The following SPTBN4 variants were observed in gnomAD, a reference collection of about 807,000 sequenced individuals.
SPTBN4 encodes spectrin beta, non-erythrocytic 4.
A neutral mutation model predicts 277.8 loss-of-function variants in SPTBN4; 96 were observed. That is an observed-to-expected ratio of 0.35 (90% CI 0.29 to 0.41). The LOEUF (loss-of-function observed/expected upper bound fraction) is 0.41, where lower values mean the gene tolerates loss of function less well. Ranked by LOEUF, SPTBN4 falls within the 10% of genes least tolerant of loss-of-function variation. The pLI is 1.00. For missense variants in SPTBN4, 3,006 were observed against 3,595.7 expected, an observed-to-expected ratio of 0.84 and a Z score of 4.19; for synonymous variants, 1,481 against 1,580.3, an observed-to-expected ratio of 0.94 and a Z score of 1.49.
chr19:40,467,400 C>G (rs1229636536), intron 1 of SPTBN4, 95 bp downstream of exon 1: 1 of 152,390 alleles, frequency 6.6e-6, no homozygotes, highest in Non-Finnish European at 1.5e-5. Flanking sequence ...GCTGGAGCCC[C>G]GGGTCTCCCC....
intron 20 of SPTBN4, among the ~76,000 whole-genome samples, chr19:40,537,716 AC>A (rs2080754521): frequency 6.6e-6 from 1 of 152,060 alleles, no homozygotes; most frequent in African/African-American, 2.4e-5. Context: ...ATTCAATACC[AC>A]CTTTAGTCCC....
chr19:40,543,025 T>C (rs886578942), intron 20 of SPTBN4, among the ~76,000 whole-genome samples: 1 of 152,128 alleles, frequency 6.6e-6, no homozygotes, highest in South Asian at 2.1e-4. Flanking sequence ...CTTTCTTCTG[T>C]GTTGGCCTCA....
In SPTBN4 at chr19:40,540,835, A is replaced by G. The variant is rs1454011525; in HGVS notation, c.4359+6492A>G. Reference sequence around the variant, plus strand: ...ATCTCAAAAAAAAAAAAAAAAAAAAAAAAAAGAAAAGTAATTTGGAGGTGG... The same window carrying G: ...ATCTCAAAAAAAAAAAAAAAAAAAAGAAAAAGAAAAGTAATTTGGAGGTGG... On this transcript the variant is annotated intron_variant, in intron 20 of 35. Transcript: ENST00000598249. Among the ~76,000 whole-genome samples, 8 of 148,976 alleles carry G rather than the reference A, an allele frequency of 5.4e-5. No homozygotes were observed. In the East Asian group the frequency reaches 7.8e-4, roughly 15 times the overall value.
rs140573583 is a variant in SPTBN4, at chr19:40,569,722, C to T, written c.7022C>T (p.Ala2341Val). ...QEKEAGPGLP[A>V]GPSLPQPREL... The stretch of plus-strand genomic sequence containing the variant: ...AAAGAGGCAGGCCCAGGGCTGCCTG[C>T]TGGGGTAAGTTGAGCCTCGGATGGG... Residue 2341 changes from alanine to valine, a missense_variant, in exon 32 of 36, where the codon GCT (alanine) becomes GTT (valine). Physicochemically the swap from Ala to Val is moderately conservative, Grantham distance 64. This residue lies in a region of SPTBN4 where 630 missense variants were observed against 677.6 expected (regional missense o/e 0.93). Coordinates refer to ENST00000598249, the MANE Select transcript of SPTBN4 (RefSeq NM_020971.3). 94 of 1,611,024 alleles carry T rather than the reference C, an allele frequency of 5.8e-5. No homozygotes were observed. The African/African-American group carries it at 1.0e-3, about 18-fold the overall frequency.
At chr19:40,572,296 C>T (rs1463459329) in intron 34 of SPTBN4, 42 bp from the exon 35 acceptor site, 1 of 1,612,246 alleles carries the variant, frequency 6.2e-7, no homozygotes, top group Non-Finnish European at 8.5e-7. Flanking sequence ...GTGGGCTGGG[C>T]CCCTTCCCCA....
rs1223420896 is a variant in SPTBN4 at position 40,576,002 on chromosome 19, TA to T, written c.*434del. On this transcript the variant is annotated 3_prime_UTR_variant, in exon 36 of 36. Transcript: ENST00000598249. Reference sequence around the variant, plus strand: ...AGGTCCCCTGGACCATCCAGGGTGCTAGGGGGCAGGGAGGGGACACCCCCTC... The same window carrying T: ...AGGTCCCCTGGACCATCCAGGGTGCTGGGGGCAGGGAGGGGACACCCCCTC... 2 of 154,498 alleles carry T rather than the reference TA, an allele frequency of 1.3e-5. No individual in the cohort carries two copies. The highest frequency in any genetic ancestry group is 2.9e-5 in the Non-Finnish European group (2 of 69,374). 9.6% of individuals were successfully genotyped at this position (154,498 alleles called of 1,614,324 possible).
At chr19:40,481,321 G>A (rs1261647632) in intron 2 of SPTBN4, among the ~76,000 whole-genome samples, 1 of 152,116 alleles carries the variant, frequency 6.6e-6, no homozygotes, top group East Asian at 1.9e-4. Flanking sequence ...TGCCCAAAGT[G>A]TTTGGATTAC....
In SPTBN4 at chr19:40,491,044, GA is replaced by G. The variant is rs111830423; in HGVS notation, c.495+805del. The stretch of plus-strand genomic sequence containing the variant: ...ACAACAGTGAGACCATGACTTAAAA[GA>G]AAAAAAAAGCTACCCAGAAAAATAC... On this transcript the variant is annotated intron_variant, in intron 4 of 35. Transcript: ENST00000598249. Among the ~76,000 whole-genome samples the G allele has an allele frequency of 4.4e-3, 664 of 149,874 alleles. 8 individuals are homozygous for G. Among genetic ancestry groups the G allele is most frequent in the African/African-American group, 0.015 (632 of 40,836 alleles).
chr19:40,554,558 C>A lies in SPTBN4; in HGVS notation c.4996C>A (p.Leu1666Met). The A allele has an allele frequency of 6.6e-7, 1 of 1,507,746 alleles. No individual in the cohort carries two copies. Among genetic ancestry groups the A allele is most frequent in the South Asian group, 1.3e-5 (1 of 75,250 alleles). 93.4% of individuals were successfully genotyped at this position (1,507,746 alleles called of 1,614,324 possible). Residue 1666 changes from leucine (L) to methionine (M), a missense_variant, in exon 24 of 36, where the codon CTG becomes ATG. Physicochemically the swap from Leu to Met is conservative, Grantham distance 15. Coordinates refer to ENST00000598249, the MANE Select transcript of SPTBN4 (RefSeq NM_020971.3). The surrounding 1 kb of genome is among the most constrained non-coding windows in gnomAD (Gnocchi z 5.7). Reference protein sequence around the residue: ...TLQLLKKHLQLEQGVENYEES... With the variant: ...TLQLLKKHLQMEQGVENYEES... ...GCAGCTGCTCAAGAAACACCTGCAG[C>A]TGGAGCAAGGCGTGGAGAACTACGA...
chr19:40,475,320 C>A (rs1037557703), intron 2 of SPTBN4, among the ~76,000 whole-genome samples: 4 of 152,106 alleles, frequency 2.6e-5, no homozygotes, highest in Admixed American at 2.0e-4. Flanking sequence ...GCGCTAGAAT[C>A]ATAAAATATA....
intron 6 of SPTBN4, among the ~76,000 whole-genome samples, chr19:40,497,277 A>G (rs2080210286): frequency 6.6e-6 from 1 of 152,074 alleles, no homozygotes; most frequent in African/African-American, 2.4e-5. Flanking sequence ...ACATGCACAC[A>G]CACATTCCCG....
intron 27 of SPTBN4, among the ~76,000 whole-genome samples, chr19:40,563,567 G>A (rs1240656612): frequency 1.3e-5 from 2 of 151,662 alleles, no homozygotes; most frequent in African/African-American, 4.8e-5. Context: ...CACTTCAACA[G>A]GTAGTCAATA....
chr19:40,566,316 C>G lies in SPTBN4; in HGVS notation c.6293C>G (p.Ala2098Gly). 6.3e-7 allele frequency: 1 copy of G among 1,592,790 alleles called. No homozygotes were observed. The highest frequency in any genetic ancestry group is 8.5e-7 in the Non-Finnish European group (1 of 1,169,854). ...RRHEAFRKAAAAWEERFSSLR... is the reference protein window; with the variant it reads ...RRHEAFRKAAGAWEERFSSLR... Reference sequence around the variant, plus strand: ...CATGAGGCCTTCCGCAAAGCGGCTGCAGCCTGGGAAGAGAGGTTCAGCTCT... The same window carrying G: ...CATGAGGCCTTCCGCAAAGCGGCTGGAGCCTGGGAAGAGAGGTTCAGCTCT... Residue 2098 changes from alanine to glycine, a missense_variant, in exon 30 of 36, where the codon GCA becomes GGA. By Grantham distance (60) the Ala-to-Gly change is moderately conservative. Transcript: ENST00000598249.
At chr19:40,561,943 A>G (rs1190453698) in intron 27 of SPTBN4, among the ~76,000 whole-genome samples, 1 of 152,186 alleles carries the variant, frequency 6.6e-6, no homozygotes, top group Non-Finnish European at 1.5e-5. Flanking sequence ...GGAGACCTGA[A>G]TGAAGTGATG....
intron 26 of SPTBN4, among the ~76,000 whole-genome samples, chr19:40,557,834 C>T (rs547756848): frequency 6.8e-6 from 1 of 147,504 alleles, no homozygotes; most frequent in African/African-American, 2.5e-5. Flanking sequence ...AGGAGAATCA[C>T]TTGAACCCGG....
At position 40,516,041 on chromosome 19, in the gene SPTBN4, A is replaced by G. The variant is rs181675975; in HGVS notation, c.2903+593A>G. 3.5e-5 allele frequency among the ~76,000 whole-genome samples: 5 copies of G among 144,534 alleles called. No homozygotes were observed. In the East Asian group the frequency reaches 5.9e-4, roughly 17 times the overall value. The allele number at this position is 144,534 out of a possible 152,430, so 94.8% of individuals were successfully genotyped here. A position where few individuals can be genotyped will look rare whatever the true frequency, so the allele number is the denominator to read the frequency against. On this transcript the variant is annotated intron_variant, in intron 15 of 35. Transcript: ENST00000598249. The stretch of plus-strand genomic sequence containing the variant: ...CATATACGTATATATACACATATAT[A>G]TGTATATATATATACACACTATATA...
chr19:40,512,577 T>A, intron 13 of SPTBN4, 29 bp from the exon 14 acceptor site: 1 of 1,506,256 alleles, frequency 6.6e-7, no homozygotes, highest in South Asian at 1.2e-5. Context: ...TTGTGACCAA[T>A]CCTGGATGCT....
rs566132229 is a variant in SPTBN4 at position 40,558,125 on chromosome 19, C to T, written c.5670+722C>T. Among the ~76,000 whole-genome samples, 8 of 151,666 alleles carry T rather than the reference C, an allele frequency of 5.3e-5. No individual in the cohort carries two copies. The South Asian group carries it at 6.2e-4, about 12-fold the overall frequency. ...CTGTAATCCCAACACTTTGGGAGGT[C>T]GAGGCGGGCAGATCATGAGGTCAGG... On this transcript the variant is annotated intron_variant, in intron 26 of 35. Transcript: ENST00000598249.
chr19:40,520,290 T>G, intron 16 of SPTBN4, 139 bp downstream of exon 16: 11 of 894,390 alleles, frequency 1.2e-5, no homozygotes, highest in African/African-American at 1.8e-5. Flanking sequence ...GGTGAGAGAG[T>G]ATCCGGAATG....
Sources: gnomAD v4.1 joint callset for allele counts (sites outside exome capture counted in the v4.1 genomes callset) on GRCh38, gnomAD v4.1.1 for gene constraint, gnomAD v4.1.1 regional missense constraint, Gnocchi (gnomAD v3.1) non-coding constraint, MANE v1.5 for transcripts, NCBI Gene and HGNC (gene_info 2026-07-23, HGNC 2026-07-21) for gene names.